ATM: variants seen among roughly 807,000 people sequenced by gnomAD.
The protein encoded by ATM is ATM serine/threonine kinase.
Under a neutral mutation model 387.0 loss-of-function variants are expected in ATM, and 308 were observed. The observed-to-expected ratio is 0.80, with a 90% CI of 0.73 to 0.87. The LOEUF (loss-of-function observed/expected upper bound fraction) is 0.87. ATM is among the 40% of genes least tolerant of loss of function. ATM has a pLI of 0.00. For missense variants in ATM, 3,312 were observed against 3,560.9 expected (o/e 0.93, Z 1.78); for synonymous variants, 1,156 against 1,187.3 (o/e 0.97, Z 0.54).
At chr11:108,237,496 A>G (rs1352540072) in intron 5 of ATM, among the ~76,000 whole-genome samples, 1 of 151,786 alleles carries the variant, frequency 6.6e-6, no homozygotes, top group Non-Finnish European at 1.5e-5. Context: ...TTTTTATTTA[A>G]GCTAACCTTT....
At chr11:108,243,915 T>A (rs1408792879) in intron 5 of ATM, 38 bp from the exon 6 acceptor site, 1 of 1,498,284 alleles carries the variant, frequency 6.7e-7, no homozygotes, top group Non-Finnish European at 9.0e-7. Context: ...TTTTGATTTT[T>A]AAAAAATCAT....
intron 59 of ATM, among the ~76,000 whole-genome samples, chr11:108,351,464 C>G (rs1247142963): frequency 6.6e-6 from 1 of 152,228 alleles, no homozygotes; most frequent in Non-Finnish European, 1.5e-5. Flanking sequence ...ATTATTATCT[C>G]TCATAGTCTG....
intron 20 of ATM, 68 bp from the exon 21 acceptor site, chr11:108,272,464 T>C (rs2135563469): frequency 7.7e-7 from 1 of 1,300,176 alleles, no homozygotes; most frequent in Non-Finnish European, 1.1e-6. Context: ...ACAATAACCT[T>C]TCAGTGAGTT....
intron 58 of ATM, 34 bp downstream of exon 58, chr11:108,345,942 T>G: frequency 2.5e-6 from 4 of 1,611,362 alleles, no homozygotes; most frequent in Non-Finnish European, 3.4e-6. Context: ...GATTGAGCAC[T>G]TTGTTGTTTG....
chr11:108,286,391 A>G (rs1279257169), intron 26 of ATM, among the ~76,000 whole-genome samples: 1 of 151,870 alleles, frequency 6.6e-6, no homozygotes, highest in African/African-American at 2.4e-5. Flanking sequence ...CAACAAAGCC[A>G]GAGATTTACT....
rs778267979 is a variant in ATM at position 108,365,486 on chromosome 11, C to T, written c.9149C>T (p.Pro3050Leu). 1.1e-5 allele frequency: 17 copies of T among 1,614,036 alleles called. No individual in the cohort carries two copies. The Admixed American group carries it at 1.7e-4, about 16-fold the overall frequency. ...CCCAAAAATCTCAGCCGACTTTTCC[C>T]AGGATGGAAAGCTTGGGTGTGATCT... ...IDPKNLSRLF[P>L]GWKAWV The change falls in exon 63 of 63, where the codon CCA (proline) becomes CTA (leucine). Residue 3050 changes from proline to leucine, a missense_variant. Physicochemically the swap from Pro to Leu is moderately conservative, Grantham distance 98 (BLOSUM62 -3). Coordinates refer to ENST00000675843, the MANE Select transcript of ATM (RefSeq NM_000051.4).
At chr11:108,276,140 T>G (rs1272833151) in intron 22 of ATM, among the ~76,000 whole-genome samples, 1 of 152,250 alleles carries the variant, frequency 6.6e-6, no homozygotes, top group Non-Finnish European at 1.5e-5. Flanking sequence ...TTTCTTCTGC[T>G]TAATCAGTTC....
Position 108,325,407 on chromosome 11 carries a change from A to AT in ATM, c.6671dup (p.Met2224IlefsTer25). On this transcript the variant is annotated frameshift_variant, in exon 46 of 63. Transcript: ENST00000675843. LOFTEE classifies it high-confidence loss of function. ...TGATTTTAGTTTTCAGGAGCCTATC[A>AT]TGGCTCTACGCACAGTCATTTTGGA... The AT allele has an allele frequency of 6.2e-7, 1 of 1,613,846 alleles. No homozygotes were observed. Among genetic ancestry groups the AT allele is most frequent in the Non-Finnish European group, 8.5e-7 (1 of 1,179,874 alleles).
At chr11:108,289,924 C>T in intron 29 of ATM, 123 bp downstream of exon 29, 5 of 872,802 alleles carry the variant, frequency 5.7e-6, no homozygotes, top group Non-Finnish European at 8.9e-6. Flanking sequence ...TGGGTGCAGT[C>T]ACGGCTCACT....
At chr11:108,297,489 T>G (rs908229650) in intron 33 of ATM, 107 bp downstream of exon 33, 2 of 963,160 alleles carry the variant, frequency 2.1e-6, no homozygotes, top group Non-Finnish European at 3.3e-6. Context: ...GCCTGTAGTA[T>G]TCAGTATAGT....
In ATM at chr11:108,297,582, G is replaced by A. The variant is rs141272919; in HGVS notation, c.5005+200G>A. Among the ~76,000 whole-genome samples, 24 of 152,278 alleles carry A rather than the reference G, an allele frequency of 1.6e-4. No individual in the cohort carries two copies. The East Asian group carries it at 3.7e-3, about 23-fold the overall frequency. ...TGTAAGTATATTCTGTGATGTTCAC[G>A]CAATGACAGAATTGCCCAATGACAC... is the stretch of plus-strand genomic sequence containing the variant. On this transcript the variant is annotated intron_variant, in intron 33 of 62. Coordinates refer to ENST00000675843, the MANE Select transcript of ATM (RefSeq NM_000051.4).
Position 108,256,127 on chromosome 11 carries a change from T to A in ATM, c.2125-88T>A, listed in dbSNP as rs189045169. On this transcript the variant is annotated intron_variant, in intron 13 of 62. Transcript: ENST00000675843. ...AGTTAACTGAACTTTTGTTTTTTAA[T>A]ATGTATGTAGAATTTGTTCTTACAA... 507 of 1,247,458 alleles carry A rather than the reference T, an allele frequency of 4.1e-4. 1 individual carries two copies. Among genetic ancestry groups the A allele is most frequent in the Non-Finnish European group, 8.5e-5 (80 of 937,942 alleles). 77.3% of individuals were successfully genotyped at this position (1,247,458 alleles called of 1,614,324 possible).
chr11:108,338,115 G>A (rs1284923432), intron 56 of ATM, among the ~76,000 whole-genome samples: 3 of 152,244 alleles, frequency 2.0e-5, no homozygotes, highest in African/African-American at 7.2e-5. Flanking sequence ...TCAGGAGGCC[G>A]AGGTGGGCGG....
intron 24 of ATM, among the ~76,000 whole-genome samples, 198 bp downstream of exon 24, chr11:108,281,366 C>A (rs1204351717): frequency 6.6e-6 from 1 of 152,158 alleles, no homozygotes; most frequent in Non-Finnish European, 1.5e-5. Context: ...TTCTTACATT[C>A]CATTTAAGAG....
intron 26 of ATM, among the ~76,000 whole-genome samples, chr11:108,285,893 A>AAACC (rs2082466407): frequency 6.6e-6 from 1 of 152,224 alleles, no homozygotes; most frequent in South Asian, 2.1e-4. Flanking sequence ...TAATGTATTC[A>AAACC]AACCAAAAGA....
chr11:108,359,388 G>A (rs1249442337), intron 61 of ATM, among the ~76,000 whole-genome samples: 2 of 152,000 alleles, frequency 1.3e-5, no homozygotes, highest in African/African-American at 2.4e-5. Flanking sequence ...ACAGATCAAC[G>A]AGATAAAAAG....
chr11:108,321,681 G>C (rs2085237817), intron 45 of ATM, among the ~76,000 whole-genome samples: 1 of 151,874 alleles, frequency 6.6e-6, no homozygotes, highest in Non-Finnish European at 1.5e-5. Flanking sequence ...TATTCAGGAG[G>C]CTGAGGCAGG....
At chr11:108,321,537 C>T in intron 45 of ATM, 117 bp downstream of exon 45, 3 of 1,452,142 alleles carry the variant, frequency 2.1e-6, no homozygotes, top group Non-Finnish European at 2.8e-6. Flanking sequence ...AATCCTAGCA[C>T]TTTAGAAGGC....
chr11:108,268,634 T>G (rs2081400874), intron 18 of ATM, 25 bp downstream of exon 18: 1 of 1,607,072 alleles, frequency 6.2e-7, no homozygotes, highest in African/African-American at 1.3e-5. Flanking sequence ...ATGAAGAAGC[T>G]CTTGGATTTT....
Sources: allele counts gnomAD v4.1 joint callset (sites outside exome capture counted in the v4.1 genomes callset), GRCh38; gene constraint gnomAD v4.1.1; transcripts MANE v1.5; gene names NCBI Gene and HGNC (gene_info 2026-07-23, HGNC 2026-07-21).